Variants in SMKR1 observed in about 807,000 individuals in gnomAD.
SMKR1 encodes small lysine rich protein 1.
In SMKR1, 4 loss-of-function variants were observed where a neutral mutation model predicts 4.0. The ratio of observed to expected loss-of-function variants is 1.00; its 90% CI spans 0.49 to 2.30. The LOEUF (loss-of-function observed/expected upper bound fraction) is 2.30, where lower values mean the gene tolerates loss of function less well. SMKR1 is among the 30% of genes most tolerant of loss of function. The pLI is 0.02. For missense variants in SMKR1, 56 were observed against 81.8 expected (o/e 0.68, Z 1.22); for synonymous variants, 38 against 32.5 (o/e 1.17, Z -0.58).
intron 1 of SMKR1, among the ~76,000 whole-genome samples, chr7:129,506,567 C>T (rs1387122360): frequency 6.6e-6 from 1 of 152,166 alleles, no homozygotes; most frequent in Non-Finnish European, 1.5e-5. Flanking sequence ...CCACCTTTCT[C>T]TCTTGCCCCT....
At chr7:129,511,610 C>G (rs56394855) in intron 1 of SMKR1, among the ~76,000 whole-genome samples, 97,588 of 152,116 alleles carry the variant, frequency 0.64, 31,925 homozygotes, top group East Asian at 0.94. Context: ...GCTTGCATTA[C>G]GTTGGGTCTC....
intron 1 of SMKR1, among the ~76,000 whole-genome samples, chr7:129,511,407 G>C (rs1255973682): frequency 6.6e-6 from 1 of 152,150 alleles, no homozygotes; most frequent in Non-Finnish European, 1.5e-5. Flanking sequence ...CAAACCTCAG[G>C]CCTTCTTTCA....
At position 129,512,338 on chromosome 7, in the gene SMKR1, T is replaced by C. The variant is rs1009997157; in HGVS notation, c.95T>C (p.Met32Thr). 6.5e-7 allele frequency: 1 copy of C among 1,536,108 alleles called. No homozygotes were observed. The highest frequency in any genetic ancestry group is 8.7e-7 in the Non-Finnish European group (1 of 1,146,904). ...GTGGACATTCTCAGCCCCGCGGCCA[T>C]GCTGAACCTCTACTACATCGCCCAC... ...PEVDILSPAA[M>T]LNLYYIAHNV... The change falls in exon 2 of 2, where the codon ATG becomes ACG. Residue 32 changes from methionine to threonine, a missense_variant. By Grantham distance (81) the Met-to-Thr change is moderately conservative. Transcript: ENST00000462322.
At chr7:129,509,623 C>T (rs1799505839) in intron 1 of SMKR1, among the ~76,000 whole-genome samples, 1 of 152,122 alleles carries the variant, frequency 6.6e-6, no homozygotes, top group African/African-American at 2.4e-5. Context: ...TCACTGCAAC[C>T]TCCGTCTTCC....
chr7:129,508,193 A>G (rs1313551279), intron 1 of SMKR1, among the ~76,000 whole-genome samples: 4 of 152,162 alleles, frequency 2.6e-5, no homozygotes, highest in Non-Finnish European at 4.4e-5. Flanking sequence ...TGGTGAGACT[A>G]TGGGTTGAGG....
At chr7:129,504,680 A>C (rs936065663) in intron 1 of SMKR1, among the ~76,000 whole-genome samples, 15 of 152,132 alleles carry the variant, frequency 9.9e-5, no homozygotes, top group Non-Finnish European at 2.1e-4. Flanking sequence ...CAGCAGCCTG[A>C]GTACTGGGGA....
Position 129,512,570 on chromosome 7 carries a change from C to G in SMKR1, c.*129C>G. On this transcript the variant is annotated 3_prime_UTR_variant, in exon 2 of 2. Coordinates refer to ENST00000462322, the MANE Select transcript of SMKR1 (RefSeq NM_001195243.2). ...TGAGATGCAAATTAAGTGTGCTTTT[C>G]TGTGATGGTGGAAGATCAGGAAATG... is the stretch of plus-strand genomic sequence containing the variant. The G allele has an allele frequency of 3.2e-6, 3 of 927,044 alleles. No individual in the cohort carries two copies. Among genetic ancestry groups the G allele is most frequent in the Non-Finnish European group, 4.6e-6 (3 of 648,612 alleles). 57.4% of individuals were successfully genotyped at this position (927,044 alleles called of 1,614,324 possible). A position where few individuals can be genotyped will look rare whatever the true frequency, so the allele number is the denominator to read the frequency against.
At chr7:129,504,735 G>A (rs553651675) in intron 1 of SMKR1, among the ~76,000 whole-genome samples, 1 of 152,182 alleles carries the variant, frequency 6.6e-6, no homozygotes, top group Admixed American at 6.5e-5. Context: ...TTAAATTTTT[G>A]TAGAGACCGG....
At chr7:129,512,192 ACAAAAAC>A (rs1463124977) in intron 1 of SMKR1, 48 bp from the exon 2 acceptor site, 1 of 1,462,272 alleles carries the variant, frequency 6.8e-7, no homozygotes, top group African/African-American at 1.4e-5. Context: ...CTCAAAAAAA[ACAAAAAC>A]CAAAAAACTA....
chr7:129,511,339 A>G (rs986959884), intron 1 of SMKR1, among the ~76,000 whole-genome samples: 1 of 152,058 alleles, frequency 6.6e-6, no homozygotes, highest in Non-Finnish European at 1.5e-5. Context: ...ATTTTGCCAC[A>G]TTTGCTTTAT....
chr7:129,506,938 C>A (rs1224798274), intron 1 of SMKR1, among the ~76,000 whole-genome samples: 1 of 150,026 alleles, frequency 6.7e-6, no homozygotes, highest in Admixed American at 6.7e-5. Flanking sequence ...TGGCTCACCA[C>A]AGCCTTAACT....
intron 1 of SMKR1, among the ~76,000 whole-genome samples, chr7:129,508,556 C>T (rs1460839606): frequency 6.6e-6 from 1 of 152,160 alleles, no homozygotes; most frequent in Non-Finnish European, 1.5e-5. Flanking sequence ...ATTCTCCTGC[C>T]TCAGCCTCCC....
At chr7:129,510,824 G>C (rs945143831) in intron 1 of SMKR1, among the ~76,000 whole-genome samples, 3 of 151,952 alleles carry the variant, frequency 2.0e-5, no homozygotes, top group South Asian at 2.1e-4. Context: ...GGGGAGGCGG[G>C]GGGAGGCAGA....
intron 1 of SMKR1, among the ~76,000 whole-genome samples, chr7:129,508,197 G>T (rs1799489293): frequency 6.6e-6 from 1 of 152,078 alleles, no homozygotes; most frequent in East Asian, 1.9e-4. Flanking sequence ...GAGACTATGG[G>T]TTGAGGTTCA....
intron 1 of SMKR1, among the ~76,000 whole-genome samples, chr7:129,511,901 G>A (rs907040277): frequency 1.4e-4 from 21 of 151,968 alleles, no homozygotes; most frequent in East Asian, 3.9e-4. Context: ...AAACTAACTC[G>A]GCCTGGCAAG....
At chr7:129,505,343 C>T (rs746062665) in intron 1 of SMKR1, among the ~76,000 whole-genome samples, 18 of 152,264 alleles carry the variant, frequency 1.2e-4, no homozygotes, top group Non-Finnish European at 2.1e-4. Flanking sequence ...TCCCCCTGTC[C>T]CTAGCCTGGG....
chr7:129,510,513 CGTTTGA>C lies in SMKR1; in HGVS notation c.4-1732_4-1727del, dbSNP rs886661732. 1.3e-4 allele frequency among the ~76,000 whole-genome samples: 20 copies of C among 152,312 alleles called. 3 individuals carry two copies. Among genetic ancestry groups the C allele is most frequent in the African/African-American group, 4.8e-4 (20 of 41,574 alleles). ...CTTTGGGAGGCCAAGATGGGAAGCT[CGTTTGA>C]GACCAGGAGTTTAAGACCAGCCTAG... On this transcript the variant is annotated intron_variant, in intron 1 of 1. Coordinates refer to ENST00000462322, the MANE Select transcript of SMKR1 (RefSeq NM_001195243.2).
chr7:129,502,557 C>T lies in SMKR1; in HGVS notation c.-268C>T, dbSNP rs1799420747. 2.8e-6 allele frequency: 1 copy of T among 358,088 alleles called. No individual in the cohort carries two copies. Among genetic ancestry groups the T allele is most frequent in the East Asian group, 4.5e-5 (1 of 22,118 alleles). The allele number at this position is 358,088 out of a possible 1,614,324, so 22.2% of individuals were successfully genotyped here. A position where few individuals can be genotyped will look rare whatever the true frequency, so the allele number is the denominator to read the frequency against. Reference sequence around the variant, plus strand: ...CACGCCGGCCCAGCGCCCACAGCTGCGGCGGCCTAGGTGCCGCGTGGGGCA... The same window carrying T: ...CACGCCGGCCCAGCGCCCACAGCTGTGGCGGCCTAGGTGCCGCGTGGGGCA... On this transcript the variant is annotated 5_prime_UTR_variant, in exon 1 of 2. Coordinates refer to ENST00000462322, the MANE Select transcript of SMKR1 (RefSeq NM_001195243.2).
intron 1 of SMKR1, among the ~76,000 whole-genome samples, chr7:129,505,789 T>G (rs1799459191): frequency 6.6e-6 from 1 of 151,634 alleles, no homozygotes; most frequent in Non-Finnish European, 1.5e-5. Flanking sequence ...GTCAAGGAGG[T>G]TTTTCTAAAG....
Sources: gnomAD v4.1 joint callset for allele counts (sites outside exome capture counted in the v4.1 genomes callset) on GRCh38, gnomAD v4.1.1 for gene constraint, MANE v1.5 for transcripts, NCBI Gene and HGNC (gene_info 2026-07-23, HGNC 2026-07-21) for gene names.